Variants in PLEKHA5 observed in about 807,000 individuals in gnomAD.
PLEKHA5 encodes the protein pleckstrin homology domain-containing family A member 5.
PLEKHA5 carries 55 observed loss-of-function variants against 181.9 expected under a neutral mutation model. The ratio of observed to expected loss-of-function variants is 0.30; its 90% CI spans 0.24 to 0.38. PLEKHA5 has a LOEUF of 0.38. Among genes scored for constraint, PLEKHA5 ranks in the 10% least tolerant of loss-of-function variants. The probability of loss-of-function intolerance (pLI) is 1.00; values close to 1 mark genes in which losing one functional copy is unlikely to be tolerated. For synonymous variants in PLEKHA5, 535 were observed against 529.4 expected (o/e 1.01, Z -0.15); for missense variants, 1,432 against 1,549.5 (o/e 0.92, Z 1.27).
chr12:19,309,687 G>A (rs2152977050), intron 15 of PLEKHA5, among the ~76,000 whole-genome samples: 1 of 152,124 alleles, frequency 6.6e-6, no homozygotes, highest in East Asian at 1.9e-4. Context: ...GGAGGTTGCA[G>A]TGAGCCTAGA....
intron 3 of PLEKHA5, among the ~76,000 whole-genome samples, chr12:19,170,794 CT>C (rs1396320926): frequency 1.3e-5 from 2 of 152,162 alleles, no homozygotes; most frequent in Non-Finnish European, 2.9e-5. Flanking sequence ...AACTTGCTGT[CT>C]TTTCTTACAT....
At position 19,348,177 on chromosome 12, in the gene PLEKHA5, C is replaced by T. The variant is rs369276201; in HGVS notation, c.2899-222C>T. 7.2e-5 allele frequency among the ~76,000 whole-genome samples: 11 copies of T among 152,206 alleles called. No individual in the cohort carries two copies. In the East Asian group the frequency reaches 1.3e-3, roughly 19 times the overall value. The stretch of plus-strand genomic sequence containing the variant: ...AGATTACAGGTGTGAGCCACTGCAC[C>T]CGGCCAGAAATATTCTTAATATTAA... On this transcript the variant is annotated intron_variant, in intron 24 of 31. Transcript: ENST00000429027.
chr12:19,173,118 G>C (rs1435831814), intron 3 of PLEKHA5, among the ~76,000 whole-genome samples: 14 of 138,108 alleles, frequency 1.0e-4, no homozygotes, highest in Non-Finnish European at 4.6e-5. Flanking sequence ...CCACTTCCTG[G>C]GTTCACGCCA....
intron 3 of PLEKHA5, among the ~76,000 whole-genome samples, chr12:19,221,337 C>A (rs962930807): frequency 1.3e-5 from 2 of 151,972 alleles, no homozygotes; most frequent in Non-Finnish European, 2.9e-5. Context: ...TGTCAAGCTA[C>A]AAAAATGACA....
chr12:19,227,306 C>G (rs61912285), intron 3 of PLEKHA5, among the ~76,000 whole-genome samples: 1 of 147,128 alleles, frequency 6.8e-6, no homozygotes, highest in Non-Finnish European at 1.5e-5. Context: ...TTTTTTTTCC[C>G]TCATGTCCTC....
intron 10 of PLEKHA5, 59 bp downstream of exon 10, chr12:19,270,264 T>C: frequency 1.1e-6 from 1 of 928,542 alleles, no homozygotes; most frequent in South Asian, 1.9e-5. Flanking sequence ...TTTGAGATAG[T>C]GTTTTTAAGA....
chr12:19,164,197 G>GTTTTT (rs59712166), intron 3 of PLEKHA5, among the ~76,000 whole-genome samples: 68 of 92,720 alleles, frequency 7.3e-4, no homozygotes, highest in Non-Finnish European at 1.0e-3. Flanking sequence ...AGATGTTTTT[G>GTTTTT]TTTTTTTTTT....
At chr12:19,203,689 T>G in intron 3 of PLEKHA5, among the ~76,000 whole-genome samples, 1 of 152,134 alleles carries the variant, frequency 6.6e-6, no homozygotes. Flanking sequence ...ATACTTAGAT[T>G]AGTTATATGT....
chr12:19,178,859 G>A (rs2047908733), intron 3 of PLEKHA5, among the ~76,000 whole-genome samples: 1 of 152,188 alleles, frequency 6.6e-6, no homozygotes, highest in Admixed American at 6.5e-5. Flanking sequence ...ACACAAAGTA[G>A]TAGAAGTAGA....
intron 25 of PLEKHA5, among the ~76,000 whole-genome samples, chr12:19,349,629 A>AT (rs1290860665): frequency 3.3e-5 from 5 of 151,774 alleles, no homozygotes. Context: ...TAGATAGGCC[A>AT]GGGGTGGTGG....
chr12:19,311,506 T>G (rs1466561212), intron 15 of PLEKHA5, among the ~76,000 whole-genome samples: 1 of 152,108 alleles, frequency 6.6e-6, no homozygotes, highest in Non-Finnish European at 1.5e-5. Context: ...TGCTGCTGCT[T>G]TATCAACCAA....
chr12:19,274,365 C>G, intron 10 of PLEKHA5, 151 bp from the exon 11 acceptor site: 1 of 606,562 alleles, frequency 1.6e-6, no homozygotes, highest in Non-Finnish European at 2.9e-6. Flanking sequence ...AATATCACAG[C>G]ATTGGGTATT....
At chr12:19,294,676 T>C (rs1236305852) in intron 15 of PLEKHA5, among the ~76,000 whole-genome samples, 1 of 152,192 alleles carries the variant, frequency 6.6e-6, no homozygotes, top group Non-Finnish European at 1.5e-5. Context: ...ACTGTCAGTA[T>C]TCACAAAACA....
chr12:19,194,154 G>C (rs991217906), intron 3 of PLEKHA5, among the ~76,000 whole-genome samples: 1 of 152,118 alleles, frequency 6.6e-6, no homozygotes, highest in Non-Finnish European at 1.5e-5. Context: ...GCTTCCATGT[G>C]TACACGTTAT....
Position 19,364,517 on chromosome 12 carries a change from A to AT in PLEKHA5, c.3609-1447_3609-1446insT, listed in dbSNP as rs1335988999. On this transcript the variant is annotated intron_variant, in intron 29 of 31. Coordinates refer to ENST00000429027, the MANE Select transcript of PLEKHA5 (RefSeq NM_001256470.2). Reference sequence around the variant, plus strand: ...CAGAGTGAGAATCTGCCTCAAAAAAAAAATATATATGTGTCATTGCTTTGC... The same window carrying AT: ...CAGAGTGAGAATCTGCCTCAAAAAAATAAATATATATGTGTCATTGCTTTGC... 5.9e-5 allele frequency among the ~76,000 whole-genome samples: 9 copies of AT among 152,166 alleles called. No individual in the cohort carries two copies. In the East Asian group the frequency reaches 1.6e-3, roughly 26 times the overall value.
At position 19,241,540 on chromosome 12, in the gene PLEKHA5, T is replaced by G. The variant is rs1325376657; in HGVS notation, c.228-12400T>G. Among the ~76,000 whole-genome samples the G allele has an allele frequency of 2.0e-5, 3 of 152,264 alleles. No homozygotes were observed. In the East Asian group the frequency reaches 5.8e-4, roughly 29 times the overall value. On this transcript the variant is annotated intron_variant, in intron 3 of 31. Coordinates refer to ENST00000429027, the MANE Select transcript of PLEKHA5 (RefSeq NM_001256470.2). ...GGGAAGCCGAGGCGGGCGGATCACT[T>G]GAGGCTAGGAGTTCAAGACCAGCCT... is the stretch of plus-strand genomic sequence containing the variant.
At chr12:19,230,842 C>T (rs559674667) in intron 3 of PLEKHA5, among the ~76,000 whole-genome samples, 1 of 152,292 alleles carries the variant, frequency 6.6e-6, no homozygotes, top group African/African-American at 2.4e-5. Context: ...CAGGCACGGC[C>T]AGAGTGGGCG....
chr12:19,198,703 T>A (rs796296641), intron 3 of PLEKHA5, among the ~76,000 whole-genome samples: 36 of 152,314 alleles, frequency 2.4e-4, no homozygotes, highest in African/African-American at 8.7e-4. Context: ...TTACAAATTT[T>A]TAATACTTAA....
chr12:19,327,023 A>G (rs886918663), intron 20 of PLEKHA5, among the ~76,000 whole-genome samples: 7 of 152,164 alleles, frequency 4.6e-5, no homozygotes, highest in Admixed American at 1.3e-4. Context: ...TCTGTGGTGA[A>G]CATGCAAGTG....
Sources: gnomAD v4.1 joint callset for allele counts (sites outside exome capture counted in the v4.1 genomes callset) on GRCh38, gnomAD v4.1.1 for gene constraint, MANE v1.5 for transcripts, NCBI Gene and HGNC (gene_info 2026-07-23, HGNC 2026-07-21) for gene names.